Variants in ZKSCAN4 observed in about 807,000 individuals in gnomAD.
ZKSCAN4 encodes the protein zinc finger protein with KRAB and SCAN domains 4.
Under a neutral mutation model 30.8 loss-of-function variants are expected in ZKSCAN4, and 23 were observed. The observed-to-expected ratio is 0.75, with a 90% CI of 0.54 to 1.06. The LOEUF is 1.06. Among genes scored for constraint, ZKSCAN4 ranks in the 50% least tolerant of loss-of-function variants. The pLI is 0.00. For synonymous variants in ZKSCAN4, 208 were observed against 252.5 expected, an observed-to-expected ratio of 0.82 and a Z score of 1.67; for missense variants, 556 against 665.4, an observed-to-expected ratio of 0.84 and a Z score of 1.81.
At position 28,251,139 on chromosome 6, in the gene ZKSCAN4, C is replaced by A. The variant is rs997024402; in HGVS notation, c.423+419G>T. On this transcript the variant is annotated intron_variant, in intron 1 of 4. Coordinates refer to ENST00000377294, the MANE Select transcript of ZKSCAN4 (RefSeq NM_019110.5). This position sits in a 1 kb window ranked among gnomAD's most constrained non-coding sequence, Gnocchi z 4.5. The stretch of plus-strand genomic sequence containing the variant: ...GAATGGAAGCAACAAATCAAGGTAG[C>A]ATAAGCAGTACCCAGGACTTTGTCA... 2.6e-5 allele frequency among the ~76,000 whole-genome samples: 4 copies of A among 152,150 alleles called. No individual in the cohort carries two copies. Among genetic ancestry groups the A allele is most frequent in the Non-Finnish European group, 5.9e-5 (4 of 68,026 alleles).
chr6:28,244,396 T>C lies in ZKSCAN4; in HGVS notation c.*720A>G, dbSNP rs1249642201. On this transcript the variant is annotated 3_prime_UTR_variant, in exon 5 of 5. Transcript: ENST00000377294. ...ACATTGACCAGACAGTGGAGTTCTA[T>C]GGATGGAGCAATCTCACAGTGTCTT... Among the ~76,000 whole-genome samples the C allele has an allele frequency of 6.6e-6, 1 of 152,218 alleles. No individual in the cohort carries two copies. The highest frequency in any genetic ancestry group is 1.9e-4 in the East Asian group (1 of 5,208).
chr6:28,248,042 G>A lies in ZKSCAN4; in HGVS notation c.654+25C>T, dbSNP rs753214816. ...CAGTAGTGAAAGGTATGGGGCGCTG[G>A]GGAGGGAGAGGAGCTCCAGCTCACC... On this transcript the variant is annotated intron_variant, in intron 3 of 4. Coordinates refer to ENST00000377294, the MANE Select transcript of ZKSCAN4 (RefSeq NM_019110.5). The A allele has an allele frequency of 8.8e-6, 14 of 1,588,754 alleles. No homozygotes were observed. In the South Asian group the frequency reaches 1.6e-4, roughly 18 times the overall value.
chr6:28,249,870 T>C lies in ZKSCAN4; in HGVS notation c.424-36A>G. On this transcript the variant is annotated intron_variant, in intron 1 of 4. Transcript: ENST00000377294. The surrounding 1 kb of genome is among the most constrained non-coding windows in gnomAD (Gnocchi z 4.1). ...CGATTTTTAGTTATCTACCCAACATTTCTATGTTTTCCATGTGCAAGTGAT... is the reference window on the plus strand; with the variant it reads ...CGATTTTTAGTTATCTACCCAACATCTCTATGTTTTCCATGTGCAAGTGAT... 6.2e-7 allele frequency: 1 copy of C among 1,609,026 alleles called. No individual in the cohort carries two copies. Among genetic ancestry groups the C allele is most frequent in the Non-Finnish European group, 8.5e-7 (1 of 1,178,160 alleles).
Position 28,252,101 on chromosome 6 carries a change from G to A in ZKSCAN4, c.-121C>T. 2 of 1,140,582 alleles carry A rather than the reference G, an allele frequency of 1.8e-6. No homozygotes were observed. The highest frequency in any genetic ancestry group is 3.4e-5 in the South Asian group (2 of 58,440). 70.7% of individuals were successfully genotyped at this position (1,140,582 alleles called of 1,614,324 possible). A position where few individuals can be genotyped will look rare whatever the true frequency, so the allele number is the denominator to read the frequency against. On this transcript the variant is annotated 5_prime_UTR_variant, in exon 1 of 5. Transcript: ENST00000377294. ...AGTGGTCCCCCTCCTGTCATGCCCA[G>A]GGGCCCAGGACACCCCCTGAGGCGC...
At chr6:28,256,197 G>C (rs1467811552), upstream of ZKSCAN4, among the ~76,000 whole-genome samples, 1 of 152,170 alleles carries the variant, frequency 6.6e-6, no homozygotes, top group East Asian at 1.9e-4. Context: ...TGAGGTCAGA[G>C]GGTCACTTGA....
Position 28,251,836 on chromosome 6 carries a change from G to A in ZKSCAN4, c.145C>T (p.Pro49Ser), listed in dbSNP as rs1295351044. 3.7e-6 allele frequency: 6 copies of A among 1,610,842 alleles called. No homozygotes were observed. The highest frequency in any genetic ancestry group is 5.1e-6 in the Non-Finnish European group (6 of 1,178,078). The change falls in exon 1 of 5, where the codon CCC (proline) becomes TCC (serine). Residue 49 changes from proline (P) to serine (S), a missense_variant. Pro to Ser is a moderately conservative substitution (Grantham distance 74). This residue lies in a region of ZKSCAN4 where 115 missense variants were observed against 125.9 expected (regional missense o/e 0.91). Coordinates refer to ENST00000377294, the MANE Select transcript of ZKSCAN4 (RefSeq NM_019110.5). The surrounding 1 kb of genome is among the most constrained non-coding windows in gnomAD (Gnocchi z 4.5). ...CGGAAGCGCTGGCGGGAGCGTTCGG[G>A]GCCCCGAGCAGGGCTGCAGGGTGCT... Reference protein sequence around the residue: ...VRAPCSPARGPERSRQRFRGF... With the variant: ...VRAPCSPARGSERSRQRFRGF...
Position 28,243,745 on chromosome 6 carries a change from A to C in ZKSCAN4, c.*1371T>G, listed in dbSNP as rs1581574879. ...AGTGGCACCATCTCGGCTCACTGCA[A>C]CCTCCACCTCCCAGTTTCAAGCAAC... On this transcript the variant is annotated 3_prime_UTR_variant, in exon 5 of 5. Coordinates refer to ENST00000377294, the MANE Select transcript of ZKSCAN4 (RefSeq NM_019110.5). Among the ~76,000 whole-genome samples, 1 of 151,396 alleles carries C rather than the reference A, an allele frequency of 6.6e-6. No individual in the cohort carries two copies. Among genetic ancestry groups the C allele is most frequent in the Non-Finnish European group, 1.5e-5 (1 of 67,836 alleles).
the ZKSCAN4 span, among the ~76,000 whole-genome samples, chr6:28,257,774 AT>A: frequency 6.6e-6 from 1 of 152,264 alleles, no homozygotes; most frequent in African/African-American, 2.4e-5. Context: ...GATCAAAAAT[AT>A]ATTCTAAATT....
At chr6:28,252,691 C>G (rs973103653), upstream of ZKSCAN4, among the ~76,000 whole-genome samples, 6 of 152,034 alleles carry the variant, frequency 3.9e-5, no homozygotes, top group Non-Finnish European at 7.4e-5. Context: ...CCCCACTCAC[C>G]CCCTTAATCT....
chr6:28,245,882 A>G lies in ZKSCAN4; in HGVS notation c.872T>C (p.Ile291Thr), dbSNP rs138392767. 4.6e-4 allele frequency: 744 copies of G among 1,614,138 alleles called. 2 individuals carry two copies. The highest frequency in any genetic ancestry group is 1.8e-3 in the Middle Eastern group (11 of 6,062). ...TTCTGCATGTGTAGGAATCTGGGCA[A>G]TGTCTTCCCTCAGGTGGCATATCTT... Reference protein sequence around the residue: ...HGKICHLREDIAQIPTHAEAG... With the variant: ...HGKICHLREDTAQIPTHAEAG... The change falls in exon 5 of 5, where the codon ATT becomes ACT. Residue 291 changes from isoleucine (I) to threonine (T), a missense_variant. Coordinates refer to ENST00000377294, the MANE Select transcript of ZKSCAN4 (RefSeq NM_019110.5).
intron 4 of ZKSCAN4, 145 bp downstream of exon 4, chr6:28,246,824 G>A (rs1215128174): frequency 1.1e-6 from 1 of 947,630 alleles, no homozygotes; most frequent in Non-Finnish European, 1.5e-6. Flanking sequence ...AAGGAGTAAG[G>A]AGCTAGTAGT....
In ZKSCAN4 at chr6:28,249,970, T is replaced by C; in HGVS notation, c.424-136A>G. ...TAATATAGATAACAACCCTGTGAGC[T>C]ATTATTTTGGATTTTTATGATAAGT... On this transcript the variant is annotated intron_variant, in intron 1 of 4. Transcript: ENST00000377294. The surrounding 1 kb of genome is among the most constrained non-coding windows in gnomAD (Gnocchi z 4.1). The C allele has an allele frequency of 9.7e-7, 1 of 1,028,892 alleles. No individual in the cohort carries two copies. The highest frequency in any genetic ancestry group is 1.4e-6 in the Non-Finnish European group (1 of 722,892). The allele number at this position is 1,028,892 out of a possible 1,614,324, so 63.7% of individuals were successfully genotyped here.
upstream of ZKSCAN4, among the ~76,000 whole-genome samples, chr6:28,255,623 A>G (rs1179904389): frequency 2.0e-5 from 3 of 151,364 alleles, no homozygotes; most frequent in Non-Finnish European, 4.4e-5. Flanking sequence ...TTTTTTTTTG[A>G]TTCTCTGAAA....
Position 28,249,941 on chromosome 6 carries a change from CAATT to C in ZKSCAN4, c.424-111_424-108del, listed in dbSNP as rs1760917007. ...TTCTACAAGCCTTATGATATTAACA[CAATT>C]AATATAGATAACAACCCTGTGAGCT... On this transcript the variant is annotated intron_variant, in intron 1 of 4. Transcript: ENST00000377294. This position sits in a 1 kb window ranked among gnomAD's most constrained non-coding sequence, Gnocchi z 4.1. The C allele has an allele frequency of 1.6e-6, 2 of 1,238,166 alleles. No homozygotes were observed. Among genetic ancestry groups the C allele is most frequent in the Non-Finnish European group, 1.1e-6 (1 of 877,642 alleles). The allele number at this position is 1,238,166 out of a possible 1,614,324, so 76.7% of individuals were successfully genotyped here. A position where few individuals can be genotyped will look rare whatever the true frequency, so the allele number is the denominator to read the frequency against.
chr6:28,245,648 A>C lies in ZKSCAN4; in HGVS notation c.1106T>G (p.Val369Gly). The C allele has an allele frequency of 6.2e-7, 1 of 1,613,638 alleles. No homozygotes were observed. Among genetic ancestry groups the C allele is most frequent in the Non-Finnish European group, 8.5e-7 (1 of 1,179,920 alleles). ...CTCATATGGCTTCTCACCAGTGTGG[A>C]CTCTCTGATGAATGACAAGGGCAGA... ...GSSALVIHQR[V>G]HTGEKPYECE... Residue 369 changes from valine (V) to glycine (G), a missense_variant, in exon 5 of 5, where the codon GTC (valine) becomes GGC (glycine). Val to Gly is a moderately radical substitution (Grantham distance 109). Around this residue, in one of 3 missense-constraint regions of ZKSCAN4, gnomAD observed 433 missense variants for 511.5 expected, o/e 0.85. Transcript: ENST00000377294.
chr6:28,252,079 G>T lies in ZKSCAN4; in HGVS notation c.-99C>A, dbSNP rs1033486791. 1.5e-6 allele frequency: 2 copies of T among 1,353,028 alleles called. No individual in the cohort carries two copies. The highest frequency in any genetic ancestry group is 2.0e-6 in the Non-Finnish European group (2 of 1,001,274). The allele number at this position is 1,353,028 out of a possible 1,614,324, so 83.8% of individuals were successfully genotyped here. A position where few individuals can be genotyped will look rare whatever the true frequency, so the allele number is the denominator to read the frequency against. On this transcript the variant is annotated 5_prime_UTR_variant, in exon 1 of 5. Transcript: ENST00000377294. ...TAAATTTTCCAGTAGAACTGCAAGT[G>T]GTCCCCCTCCTGTCATGCCCAGGGG...
chr6:28,250,045 T>C (rs117804152), intron 1 of ZKSCAN4, among the ~76,000 whole-genome samples: 11 of 151,280 alleles, frequency 7.3e-5, no homozygotes, highest in Admixed American at 7.2e-4. Context: ...GTGGACAGCA[T>C]TTTTTTTGTT....
chr6:28,245,982 C>A lies in ZKSCAN4; in HGVS notation c.779-7G>T, dbSNP rs376365220. On this transcript the variant is annotated splice_polypyrimidine_tract_variant and splice_region_variant and intron_variant, in intron 4 of 4. Coordinates refer to ENST00000377294, the MANE Select transcript of ZKSCAN4 (RefSeq NM_019110.5). ...TTAGTCTGTATTTCACCACCTGAAA[C>A]AACAAATGGCCGGCAACTGTGGGTT... is the stretch of plus-strand genomic sequence containing the variant. 2 of 1,614,156 alleles carry A rather than the reference C, an allele frequency of 1.2e-6. No individual in the cohort carries two copies. Among genetic ancestry groups the A allele is most frequent in the Non-Finnish European group, 1.7e-6 (2 of 1,180,018 alleles).
chr6:28,243,664 C>CT lies in ZKSCAN4; in HGVS notation c.*1451dup, dbSNP rs565023255. Among the ~76,000 whole-genome samples the CT allele has an allele frequency of 3.2e-3, 465 of 144,542 alleles. 4 individuals are homozygous for CT. Among genetic ancestry groups the CT allele is most frequent in the African/African-American group, 8.9e-3 (343 of 38,518 alleles). 94.8% of individuals were successfully genotyped at this position (144,542 alleles called of 152,430 possible). A position where few individuals can be genotyped will look rare whatever the true frequency, so the allele number is the denominator to read the frequency against. ...CTTCTGAACAGACACATTTTCTTTT[C>CT]TTTTTTTTTTTTCTTTTTGAGACAG... On this transcript the variant is annotated 3_prime_UTR_variant, in exon 5 of 5. Transcript: ENST00000377294.
Sources: gnomAD v4.1 joint callset for allele counts (sites outside exome capture counted in the v4.1 genomes callset) on GRCh38, gnomAD v4.1.1 for gene constraint, gnomAD v4.1.1 regional missense constraint, Gnocchi (gnomAD v3.1) non-coding constraint, MANE v1.5 for transcripts, NCBI Gene and HGNC (gene_info 2026-07-23, HGNC 2026-07-21) for gene names.